The following GRM4 variants were observed in gnomAD, a reference collection of about 807,000 sequenced individuals.
GRM4 encodes the protein glutamate metabotropic receptor 4, also known as metabotropic glutamate receptor 4.
GRM4 carries 28 observed loss-of-function variants against 81.7 expected under a neutral mutation model. That is an observed-to-expected ratio of 0.34 (90% CI 0.25 to 0.47). The LOEUF is 0.47. GRM4 is among the 20% of genes least tolerant of loss of function. GRM4 has a pLI of 1.00. For synonymous variants in GRM4, 488 were observed against 528.8 expected (o/e 0.92, Z 1.06); for missense variants, 948 against 1,290.0 (o/e 0.73, Z 4.06).
At chr6:34,138,807 G>A (rs2029457) in intron 1 of GRM4, among the ~76,000 whole-genome samples, 67,267 of 152,094 alleles carry the variant, frequency 0.44, 17,180 homozygotes, top group Admixed American at 0.56. Flanking sequence ...GCTTTGTGGA[G>A]GTGAATGAAT....
At chr6:34,100,070 C>A in intron 2 of GRM4, 1 of 983,432 alleles carries the variant, frequency 1.0e-6, no homozygotes, top group Non-Finnish European at 1.2e-6. Flanking sequence ...TACTCCTGCC[C>A]TGAGCATCTG....
At chr6:34,024,665 G>T (rs74692870) in intron 10 of GRM4, 6,461 of 455,976 alleles carry the variant, frequency 0.014, 63 homozygotes, top group Non-Finnish European at 0.021. Context: ...GTTAAAGGAA[G>T]AATTTTCTCC....
intron 2 of GRM4, among the ~76,000 whole-genome samples, chr6:34,122,238 G>T (rs552804442): frequency 6.6e-6 from 1 of 152,020 alleles, no homozygotes. Flanking sequence ...ACAACAAGGC[G>T]TCCAACAGGC....
intron 1 of GRM4, among the ~76,000 whole-genome samples, chr6:34,144,520 G>C (rs1437897044): frequency 6.6e-6 from 1 of 152,202 alleles, no homozygotes; most frequent in East Asian, 1.9e-4. Flanking sequence ...CCAGACCCTA[G>C]AGACCCCCAC....
At chr6:34,040,117 C>T in intron 8 of GRM4, 61 bp downstream of exon 8, 1 of 1,541,128 alleles carries the variant, frequency 6.5e-7, no homozygotes, top group South Asian at 1.1e-5. Context: ...CCTTGGGCCC[C>T]CCTCCCAGGG....
rs138360275 is a variant in GRM4, at chr6:34,080,815, T to TTC, written c.736+11066_736+11067dup. Among the ~76,000 whole-genome samples the TTC allele has an allele frequency of 2.0e-5, 3 of 149,280 alleles. No individual in the cohort carries two copies. Among genetic ancestry groups the TTC allele is most frequent in the Non-Finnish European group, 3.0e-5 (2 of 67,456 alleles). The stretch of plus-strand genomic sequence containing the variant: ...TGAGGGATCCTGATCCACTTCTCTC[T>TTC]TCTCTCTCTCTCTCTCACACACACA... On this transcript the variant is annotated intron_variant, in intron 3 of 10. Coordinates refer to ENST00000538487, the MANE Select transcript of GRM4 (RefSeq NM_000841.4). The surrounding 1 kb of genome is among the most constrained non-coding windows in gnomAD (Gnocchi z 5.4).
intron 9 of GRM4, among the ~76,000 whole-genome samples, chr6:34,030,452 A>C (rs1372197421): frequency 1.3e-5 from 2 of 152,196 alleles, no homozygotes; most frequent in Non-Finnish European, 2.9e-5. Flanking sequence ...TTCTCTGGGC[A>C]GAGGAACCCT....
At chr6:34,143,952 C>G (rs1441167949) in intron 1 of GRM4, among the ~76,000 whole-genome samples, 1 of 152,256 alleles carries the variant, frequency 6.6e-6, no homozygotes, top group Non-Finnish European at 1.5e-5. Context: ...GACACAGGGG[C>G]AGCCACCGCT....
intron 6 of GRM4, among the ~76,000 whole-genome samples, chr6:34,053,121 C>G (rs1354791310): frequency 6.6e-6 from 1 of 152,176 alleles, no homozygotes; most frequent in African/African-American, 2.4e-5. Context: ...ACGCTTATCT[C>G]TAAACCTCAC....
intron 2 of GRM4, among the ~76,000 whole-genome samples, chr6:34,108,512 C>T (rs1769227793): frequency 6.6e-6 from 1 of 152,218 alleles, no homozygotes; most frequent in Non-Finnish European, 1.5e-5. Context: ...CACTATGCTG[C>T]CTCCACAGAG....
intron 3 of GRM4, among the ~76,000 whole-genome samples, chr6:34,065,965 C>T (rs1041000931): frequency 2.6e-5 from 4 of 152,218 alleles, no homozygotes; most frequent in Non-Finnish European, 4.4e-5. Flanking sequence ...CCCAGCTCTG[C>T]GCCTCCTCCC....
At chr6:34,153,209 C>A (rs1318129608) in intron 1 of GRM4, among the ~76,000 whole-genome samples, 1 of 152,232 alleles carries the variant, frequency 6.6e-6, no homozygotes, top group African/African-American at 2.4e-5. Flanking sequence ...CACCCCTGAG[C>A]CTCTCCTCAG....
chr6:34,031,665 G>A (rs758264212), intron 9 of GRM4, among the ~76,000 whole-genome samples: 16 of 152,136 alleles, frequency 1.1e-4, no homozygotes, highest in Non-Finnish European at 1.9e-4. Context: ...GTAACCCCAC[G>A]TAGTGGAGAA....
intron 2 of GRM4, among the ~76,000 whole-genome samples, chr6:34,123,185 G>A (rs1477780733): frequency 6.6e-6 from 1 of 152,194 alleles, no homozygotes; most frequent in Admixed American, 6.5e-5. Context: ...GAGACCCTCA[G>A]CCCTGCCTTG....
In GRM4 at chr6:34,092,061, C is replaced by T. The variant is rs1245944364; in HGVS notation, c.558G>A (p.Leu186=). ...QISYASTAPD[L]SDNSRYDFFS... is the part of the protein sequence containing the mutation. ...AGAAGTCGTAGCGGCTGTTGTCACTCAGGTCTGGCGCTGTGGAGGCGTAGC... is the reference window on the plus strand; with the variant it reads ...AGAAGTCGTAGCGGCTGTTGTCACTTAGGTCTGGCGCTGTGGAGGCGTAGC... The change falls in exon 3 of 11, where the codon CTG becomes CTA. Residue 186 remains leucine (L), a synonymous_variant. Transcript: ENST00000538487. This position sits in a 1 kb window ranked among gnomAD's most constrained non-coding sequence, Gnocchi z 6.8. The T allele has an allele frequency of 6.2e-7, 1 of 1,613,602 alleles. No individual in the cohort carries two copies. The highest frequency in any genetic ancestry group is 1.1e-5 in the South Asian group (1 of 91,016).
At position 34,153,925 on chromosome 6, in the gene GRM4, C is replaced by CAAA. The variant is rs3041982; in HGVS notation, c.312+1151_312+1153dup. 2.9e-3 allele frequency among the ~76,000 whole-genome samples: 375 copies of CAAA among 129,414 alleles called. 2 individuals are homozygous for CAAA. Among genetic ancestry groups the CAAA allele is most frequent in the Non-Finnish European group, 3.6e-3 (215 of 60,420 alleles). 84.9% of individuals were successfully genotyped at this position (129,414 alleles called of 152,430 possible). A position where few individuals can be genotyped will look rare whatever the true frequency, so the allele number is the denominator to read the frequency against. ...CTGACAACAGAGTGAGACTCTGTCT[C>CAAA]AAAAAAAAAAAAAAAAAGTTGAAGC... On this transcript the variant is annotated intron_variant, in intron 1 of 8. Coordinates refer to the GRM4 transcript ENST00000374177.
intron 2 of GRM4, among the ~76,000 whole-genome samples, chr6:34,118,699 G>T (rs1423736182): frequency 6.6e-6 from 1 of 152,216 alleles, no homozygotes; most frequent in East Asian, 1.9e-4. Flanking sequence ...GCCGCCTACA[G>T]CAGGCATCTG....
chr6:34,145,963 C>A (rs1426883593), intron 1 of GRM4, 37 bp downstream of exon 1: 3 of 982,648 alleles, frequency 3.1e-6, no homozygotes, highest in Non-Finnish European at 1.2e-6. Context: ...GGAAGCCCCC[C>A]CCTTCCTCCT....
intron 1 of GRM4, among the ~76,000 whole-genome samples, chr6:34,134,369 C>T (rs926168951): frequency 6.6e-6 from 1 of 152,110 alleles, no homozygotes; most frequent in Non-Finnish European, 1.5e-5. Context: ...GCTCTGGAAC[C>T]CGAGACACTT....
Sources: gnomAD v4.1 joint callset for allele counts (sites outside exome capture counted in the v4.1 genomes callset) on GRCh38, gnomAD v4.1.1 for gene constraint, Gnocchi (gnomAD v3.1) non-coding constraint, MANE v1.5 for transcripts, NCBI Gene and HGNC (gene_info 2026-07-23, HGNC 2026-07-21) for gene names.